The following ENPP6 variants were observed in gnomAD, a reference collection of about 807,000 sequenced individuals.
ENPP6 encodes glycerophosphocholine cholinephosphodiesterase ENPP6.
A neutral mutation model predicts 42.0 loss-of-function variants in ENPP6; 32 were observed. The ratio of observed to expected loss-of-function variants is 0.76; its 90% CI spans 0.58 to 1.02. The LOEUF is 1.02. Ranked by LOEUF, ENPP6 falls within the 50% of genes least tolerant of loss-of-function variation. ENPP6 has a pLI of 0.00. For synonymous variants in ENPP6, 213 were observed against 216.0 expected (o/e 0.99, Z 0.12); for missense variants, 552 against 566.8 (o/e 0.97, Z 0.27).
intron 6 of ENPP6, among the ~76,000 whole-genome samples, chr4:184,106,278 G>A (rs949727567): frequency 3.3e-5 from 5 of 151,600 alleles, no homozygotes; most frequent in Non-Finnish European, 7.4e-5. Flanking sequence ...CAGGTGATCC[G>A]CCTGCCTCAG....
intron 1 of ENPP6, among the ~76,000 whole-genome samples, chr4:184,197,806 G>A (rs1732827529): frequency 6.6e-6 from 1 of 152,234 alleles, no homozygotes; most frequent in East Asian, 1.9e-4. Context: ...ATAGAAATGT[G>A]CAAGGAGGGA....
intron 2 of ENPP6, among the ~76,000 whole-genome samples, chr4:184,131,201 C>CTTTCTTTCTTT (rs376993212): frequency 0.019 from 1,341 of 70,596 alleles, 71 homozygotes; most frequent in Non-Finnish European, 0.022. Flanking sequence ...TTCTTTCTTT[C>CTTTCTTTCTTT]TTCTTTCTTT....
At chr4:184,157,222 T>A (rs1458183278) in intron 1 of ENPP6, among the ~76,000 whole-genome samples, 1 of 152,194 alleles carries the variant, frequency 6.6e-6, no homozygotes, top group Non-Finnish European at 1.5e-5. Context: ...TAGTTTTGCA[T>A]CCGCTGACCC....
chr4:184,164,082 G>A (rs1341337139), intron 1 of ENPP6, among the ~76,000 whole-genome samples: 1 of 152,150 alleles, frequency 6.6e-6, no homozygotes, highest in African/African-American at 2.4e-5. Context: ...TCTGGGAGAT[G>A]GTGGCTACAG....
chr4:184,163,032 G>A (rs1226008039), intron 1 of ENPP6, among the ~76,000 whole-genome samples: 1 of 152,210 alleles, frequency 6.6e-6, no homozygotes, highest in Non-Finnish European at 1.5e-5. Flanking sequence ...GAGGCTCAAG[G>A]CAGGCTGGAG....
intron 1 of ENPP6, among the ~76,000 whole-genome samples, chr4:184,190,176 A>G (rs1414917980): frequency 1.3e-5 from 2 of 152,192 alleles, no homozygotes; most frequent in Non-Finnish European, 2.9e-5. Flanking sequence ...TCTCAAACCT[A>G]ATATCTCTTG....
chr4:184,156,495 T>C (rs1391722441), intron 1 of ENPP6, among the ~76,000 whole-genome samples: 1 of 152,256 alleles, frequency 6.6e-6, no homozygotes, highest in African/African-American at 2.4e-5. Context: ...TCTATTTTTA[T>C]ACAACTGCAG....
At chr4:184,150,277 A>T (rs1421373632) in intron 2 of ENPP6, among the ~76,000 whole-genome samples, 2 of 152,098 alleles carry the variant, frequency 1.3e-5, no homozygotes, top group Non-Finnish European at 2.9e-5. Flanking sequence ...CTGCTGCTTT[A>T]TCTACCTGAC....
chr4:184,158,296 T>C lies in ENPP6; in HGVS notation c.242-4563A>G, dbSNP rs572640158. On this transcript the variant is annotated intron_variant, in intron 1 of 7. Coordinates refer to ENST00000296741, the MANE Select transcript of ENPP6 (RefSeq NM_153343.4). Reference sequence around the variant, plus strand: ...AGCCTCCATTGCCTCATCTGAGTAATGGGTATCGTAACAATTATTGTGAAC... The same window carrying C: ...AGCCTCCATTGCCTCATCTGAGTAACGGGTATCGTAACAATTATTGTGAAC... 7.9e-5 allele frequency among the ~76,000 whole-genome samples: 12 copies of C among 152,294 alleles called. No individual in the cohort carries two copies. The East Asian group carries it at 1.9e-3, about 24-fold the overall frequency.
intron 1 of ENPP6, 61 bp from the exon 2 acceptor site, chr4:184,153,794 G>T (rs896853890): frequency 1.6e-5 from 25 of 1,553,880 alleles, no homozygotes; most frequent in Non-Finnish European, 2.1e-5. Flanking sequence ...TTTTATCTTT[G>T]TTTCTTGATC....
At chr4:184,132,026 G>T (rs1317351708) in intron 2 of ENPP6, among the ~76,000 whole-genome samples, 1 of 152,152 alleles carries the variant, frequency 6.6e-6, no homozygotes, top group African/African-American at 2.4e-5. Flanking sequence ...CCCAGCTGAA[G>T]CGATTAGGTA....
chr4:184,208,959 C>T (rs879713375), intron 1 of ENPP6, among the ~76,000 whole-genome samples: 44 of 131,296 alleles, frequency 3.4e-4, no homozygotes, highest in East Asian at 1.0e-3. Flanking sequence ...CTGGGAGGCA[C>T]CCCCCAGCAG....
At chr4:184,113,926 T>TCTTTCTTTCTTC (rs1560981901) in intron 5 of ENPP6, among the ~76,000 whole-genome samples, 17 of 141,080 alleles carry the variant, frequency 1.2e-4, no homozygotes, top group South Asian at 1.1e-3. Flanking sequence ...TTTCTTTCTT[T>TCTTTCTTTCTTC]CTTTCTTTCT....
intron 6 of ENPP6, 25 bp from the exon 7 acceptor site, chr4:184,097,393 T>TG (rs767400568): frequency 6.2e-7 from 1 of 1,613,220 alleles, no homozygotes; most frequent in South Asian, 1.1e-5. Context: ...GGCAGACACA[T>TG]GACACTACGT....
At chr4:184,160,421 T>C (rs570665739) in intron 1 of ENPP6, among the ~76,000 whole-genome samples, 6 of 152,358 alleles carry the variant, frequency 3.9e-5, no homozygotes, top group Admixed American at 6.5e-5. Flanking sequence ...TTTTTTCATA[T>C]GTTTGTTGGC....
At chr4:184,124,770 G>A (rs1187196329) in intron 2 of ENPP6, among the ~76,000 whole-genome samples, 1 of 152,200 alleles carries the variant, frequency 6.6e-6, no homozygotes, top group African/African-American at 2.4e-5. Context: ...GAGGTACTCT[G>A]CCAAATTGGC....
intron 1 of ENPP6, among the ~76,000 whole-genome samples, chr4:184,208,002 C>CCTTGTTTTAA (rs1733029023): frequency 9.6e-6 from 1 of 103,954 alleles, no homozygotes; most frequent in African/African-American, 3.3e-5. Flanking sequence ...GCTCTAATGG[C>CCTTGTTTTAA]CTTGTTTTAA....
intron 1 of ENPP6, among the ~76,000 whole-genome samples, chr4:184,161,667 G>GGT (rs140414596): frequency 0.32 from 48,480 of 151,382 alleles, 9,228 homozygotes; most frequent in Admixed American, 0.48. Flanking sequence ...AAGAAAATGT[G>GGT]GTATATATAT....
chr4:184,143,809 C>G (rs1342069700), intron 2 of ENPP6, among the ~76,000 whole-genome samples: 1 of 152,204 alleles, frequency 6.6e-6, no homozygotes, highest in South Asian at 2.1e-4. Context: ...AATCCATGTT[C>G]TGGCTTTTTA....
Sources: gnomAD v4.1 joint callset for allele counts (sites outside exome capture counted in the v4.1 genomes callset) on GRCh38, gnomAD v4.1.1 for gene constraint, MANE v1.5 for transcripts, NCBI Gene and HGNC (gene_info 2026-07-23, HGNC 2026-07-21) for gene names.